The following RASAL2 variants were observed in gnomAD, a reference collection of about 807,000 sequenced individuals.
RASAL2 encodes the protein ras GTPase-activating protein nGAP.
Under a neutral mutation model 128.9 loss-of-function variants are expected in RASAL2, and 58 were observed. That is an observed-to-expected ratio of 0.45 (90% CI 0.36 to 0.56). The LOEUF (loss-of-function observed/expected upper bound fraction) is 0.56. RASAL2 is among the 20% of genes least tolerant of loss of function. The pLI is 0.00. For synonymous variants in RASAL2, 561 were observed against 580.8 expected (o/e 0.97, Z 0.49); for missense variants, 1,360 against 1,601.6 (o/e 0.85, Z 2.57).
chr1:178,335,532 T>C (rs941166853), intron 3 of RASAL2, among the ~76,000 whole-genome samples: 2 of 152,202 alleles, frequency 1.3e-5, no homozygotes, highest in Middle Eastern at 6.8e-3. Flanking sequence ...CTCAATCTAT[T>C]CCCTTCTCCC....
At chr1:178,375,950 G>T (rs1390960460) in intron 3 of RASAL2, among the ~76,000 whole-genome samples, 1 of 152,044 alleles carries the variant, frequency 6.6e-6, no homozygotes, top group African/African-American at 2.4e-5. Context: ...AAAGATTGTT[G>T]ATATTCTAAG....
intron 1 of RASAL2, among the ~76,000 whole-genome samples, chr1:178,137,345 A>G (rs1391107171): frequency 6.6e-6 from 1 of 152,204 alleles, no homozygotes. Context: ...TTCTGCTCGC[A>G]GAATTGAAGT....
intron 1 of RASAL2, among the ~76,000 whole-genome samples, chr1:178,144,408 A>C (rs999868861): frequency 1.3e-5 from 2 of 152,100 alleles, no homozygotes; most frequent in Non-Finnish European, 2.9e-5. Context: ...ACAGCTCTTC[A>C]CATTCTGTAT....
chr1:178,150,688 A>G (rs2101877425), intron 1 of RASAL2, among the ~76,000 whole-genome samples: 1 of 152,240 alleles, frequency 6.6e-6, no homozygotes, highest in African/African-American at 2.4e-5. Context: ...ATTCATCATT[A>G]TTCATGGATT....
chr1:178,464,166 T>C, intron 14 of RASAL2, 112 bp from the exon 15 acceptor site: 2 of 1,295,726 alleles, frequency 1.5e-6, no homozygotes, highest in Admixed American at 5.2e-5. Context: ...GCTAAGAGCA[T>C]TTATTAGAAA....
At chr1:178,255,370 ATAT>A (rs1306059927) in intron 1 of RASAL2, among the ~76,000 whole-genome samples, 3 of 152,294 alleles carry the variant, frequency 2.0e-5, no homozygotes, top group East Asian at 1.9e-4. Context: ...AATAATATGT[ATAT>A]TATTATTGTT....
At chr1:178,272,509 C>G (rs1666308885) in intron 1 of RASAL2, among the ~76,000 whole-genome samples, 1 of 152,032 alleles carries the variant, frequency 6.6e-6, no homozygotes, top group African/African-American at 2.4e-5. Flanking sequence ...CTACTTGATA[C>G]TCATAAATCA....
At chr1:178,238,534 G>A (rs751445722) in intron 1 of RASAL2, among the ~76,000 whole-genome samples, 1 of 151,936 alleles carries the variant, frequency 6.6e-6, no homozygotes, top group Non-Finnish European at 1.5e-5. Flanking sequence ...ACATGTAATG[G>A]TGCTGCTACT....
intron 3 of RASAL2, among the ~76,000 whole-genome samples, chr1:178,323,586 A>G (rs936910895): frequency 2.0e-5 from 3 of 152,236 alleles, no homozygotes; most frequent in African/African-American, 7.2e-5. Flanking sequence ...AAGTCACAGT[A>G]TCAAGTGTAC....
intron 1 of RASAL2, among the ~76,000 whole-genome samples, chr1:178,225,288 T>C: frequency 6.6e-6 from 1 of 151,794 alleles, no homozygotes; most frequent in East Asian, 1.9e-4. Context: ...AAACACATAC[T>C]TATAAAATTT....
intron 3 of RASAL2, among the ~76,000 whole-genome samples, chr1:178,318,001 C>T (rs530234593): frequency 6.6e-6 from 1 of 150,486 alleles, no homozygotes; most frequent in African/African-American, 2.4e-5. Context: ...TGTCTTTGTT[C>T]TCATTGGTTT....
At chr1:178,107,475 A>G (rs972600901) in intron 1 of RASAL2, among the ~76,000 whole-genome samples, 3 of 152,290 alleles carry the variant, frequency 2.0e-5, no homozygotes, top group Admixed American at 2.0e-4. Context: ...TATGGTAAAT[A>G]TAGCAAATTT....
intron 3 of RASAL2, among the ~76,000 whole-genome samples, chr1:178,340,450 A>G (rs1296384518): frequency 6.6e-6 from 1 of 152,180 alleles, no homozygotes; most frequent in African/African-American, 2.4e-5. Flanking sequence ...TATTGGGGGA[A>G]TATAGAAAAA....
At chr1:178,381,618 A>G (rs1243176089) in intron 3 of RASAL2, among the ~76,000 whole-genome samples, 1 of 152,044 alleles carries the variant, frequency 6.6e-6, no homozygotes, top group Non-Finnish European at 1.5e-5. Flanking sequence ...GTCCTCTATT[A>G]ATATTTGTTT....
At chr1:178,143,374 G>A (rs1660603161) in intron 1 of RASAL2, among the ~76,000 whole-genome samples, 1 of 151,608 alleles carries the variant, frequency 6.6e-6, no homozygotes, top group South Asian at 2.1e-4. Context: ...TACCTTCATT[G>A]AGAATGCGTG....
chr1:178,297,432 T>C (rs1204811243), intron 2 of RASAL2, among the ~76,000 whole-genome samples: 1 of 150,366 alleles, frequency 6.7e-6, no homozygotes, highest in East Asian at 2.0e-4. Context: ...TAAAACCCTG[T>C]CTCTACTAAA....
intron 3 of RASAL2, among the ~76,000 whole-genome samples, chr1:178,351,546 A>C (rs1670503059): frequency 6.6e-6 from 1 of 152,108 alleles, no homozygotes; most frequent in Admixed American, 6.6e-5. Context: ...CCTGGCTAAC[A>C]CAGTGAAACC....
At chr1:178,388,032 A>T (rs985859719) in intron 3 of RASAL2, among the ~76,000 whole-genome samples, 5 of 152,276 alleles carry the variant, frequency 3.3e-5, no homozygotes, top group African/African-American at 1.2e-4. Context: ...ATCCCAGCTA[A>T]TGAAATTTAT....
chr1:178,456,351 C>T (rs903948477), intron 12 of RASAL2: 9 of 268,550 alleles, frequency 3.4e-5, no homozygotes, highest in African/African-American at 1.5e-4. Context: ...GTTCTGCCTC[C>T]ACCCTCCCCC....
Sources: gnomAD v4.1 joint callset for allele counts (sites outside exome capture counted in the v4.1 genomes callset) on GRCh38, gnomAD v4.1.1 for gene constraint, MANE v1.5 for transcripts, NCBI Gene and HGNC (gene_info 2026-07-23, HGNC 2026-07-21) for gene names.